KCNK3: variants seen among roughly 807,000 people sequenced by gnomAD.
KCNK3 encodes the protein potassium two pore domain channel subfamily K member 3.
A neutral mutation model predicts 27.3 loss-of-function variants in KCNK3; 9 were observed. The observed-to-expected ratio is 0.33, with a 90% confidence interval of 0.20 to 0.57. KCNK3 has a LOEUF of 0.57. KCNK3 is among the 20% of genes least tolerant of loss of function. The pLI, the probability that KCNK3 is intolerant of heterozygous loss-of-function variation, is 0.87. For missense variants in KCNK3, 391 were observed against 577.7 expected, an observed-to-expected ratio of 0.68 and a Z score of 3.31; for synonymous variants, 278 against 273.8, an observed-to-expected ratio of 1.02 and a Z score of -0.15.
intron 1 of KCNK3, among the ~76,000 whole-genome samples, chr2:26,722,258 T>C (rs1663341436): frequency 6.6e-6 from 1 of 152,244 alleles, no homozygotes; most frequent in South Asian, 2.1e-4. Flanking sequence ...ATCCAACAGT[T>C]GTTAACATTC....
At chr2:26,715,771 T>TG (rs1447729555) in intron 1 of KCNK3, among the ~76,000 whole-genome samples, 2 of 152,202 alleles carry the variant, frequency 1.3e-5, no homozygotes, top group Non-Finnish European at 2.9e-5. Context: ...CAATCAGAGC[T>TG]GGGCTGGCCA....
In KCNK3 at chr2:26,693,234, G is replaced by A. The variant is rs546757837; in HGVS notation, c.283+76G>A. ...CCGGGAGTCGTCCGGGGCCGGCTGG[G>A]GCTGGGGGCGGGGGCTCCCCCGAGA... On this transcript the variant is annotated intron_variant, in intron 1 of 1. Transcript: ENST00000302909. This position sits in a 1 kb window ranked among gnomAD's most constrained non-coding sequence, Gnocchi z 5.5. 3.1e-4 allele frequency: 371 copies of A among 1,184,136 alleles called. 2 individuals carry two copies. The African/African-American group carries it at 4.5e-3, about 14-fold the overall frequency. The allele number at this position is 1,184,136 out of a possible 1,614,324, so 73.4% of individuals were successfully genotyped here.
chr2:26,699,394 G>A (rs557561293), intron 1 of KCNK3, among the ~76,000 whole-genome samples: 6 of 152,202 alleles, frequency 3.9e-5, no homozygotes, highest in African/African-American at 1.4e-4. Context: ...TGGAGAGAGT[G>A]GGGGTGAGAA....
intron 1 of KCNK3, among the ~76,000 whole-genome samples, chr2:26,718,961 T>A (rs1663280285): frequency 6.6e-6 from 1 of 152,316 alleles, no homozygotes; most frequent in East Asian, 1.9e-4. Context: ...GAAAGCGTTG[T>A]CTCCTACTCT....
At chr2:26,694,465 C>T (rs1424122573) in intron 1 of KCNK3, among the ~76,000 whole-genome samples, 1 of 152,166 alleles carries the variant, frequency 6.6e-6, no homozygotes, top group Non-Finnish European at 1.5e-5. Context: ...GGACTAGACA[C>T]TCTTCCTGCG....
chr2:26,720,113 G>A (rs935167037), intron 1 of KCNK3, among the ~76,000 whole-genome samples: 1 of 152,154 alleles, frequency 6.6e-6, no homozygotes, highest in Non-Finnish European at 1.5e-5. Flanking sequence ...AAATTAGCCG[G>A]ATGTGGTGGT....
At chr2:26,725,692 T>G (rs1169575901) in intron 1 of KCNK3, among the ~76,000 whole-genome samples, 1 of 152,124 alleles carries the variant, frequency 6.6e-6, no homozygotes, top group African/African-American at 2.4e-5. Context: ...AGCTCAGCTG[T>G]CCAGGTCCCT....
Position 26,693,005 on chromosome 2 carries a change from C to T in KCNK3, c.130C>T (p.Arg44Trp). ...ELIERQRLEL[R>W]QQELRARYNL... ...GATCGAGCGGCAGCGGCTGGAGCTG[C>T]GGCAGCAGGAGCTGCGGGCGCGCTA... The change falls in exon 1 of 2, where the codon CGG (arginine) becomes TGG (tryptophan). Residue 44 changes from arginine (R) to tryptophan (W), a missense_variant. Arg to Trp is a moderately radical substitution (Grantham distance 101). Around this residue, in one of 4 missense-constraint regions of KCNK3, gnomAD observed 158 missense variants for 267.7 expected, o/e 0.59. Coordinates refer to ENST00000302909, the MANE Select transcript of KCNK3 (RefSeq NM_002246.3). This position sits in a 1 kb window ranked among gnomAD's most constrained non-coding sequence, Gnocchi z 5.5. 6.3e-7 allele frequency: 1 copy of T among 1,577,844 alleles called. No homozygotes were observed.
chr2:26,718,109 T>C (rs1663264467), intron 1 of KCNK3, among the ~76,000 whole-genome samples: 1 of 152,018 alleles, frequency 6.6e-6, no homozygotes. Context: ...CCCGAACTCT[T>C]GGATCCTCCG....
intron 1 of KCNK3, among the ~76,000 whole-genome samples, chr2:26,717,200 C>T (rs1663248664): frequency 6.6e-6 from 1 of 152,228 alleles, no homozygotes; most frequent in Non-Finnish European, 1.5e-5. Context: ...CCATCACCCT[C>T]TGGGCCCCGC....
chr2:26,706,614 C>G (rs1433660919), intron 1 of KCNK3, among the ~76,000 whole-genome samples: 1 of 152,088 alleles, frequency 6.6e-6, no homozygotes, highest in Admixed American at 6.5e-5. Context: ...CAGGAGGGGC[C>G]GGAGAGAGAA....
chr2:26,695,026 C>T (rs1422699369), intron 1 of KCNK3, among the ~76,000 whole-genome samples: 2 of 152,158 alleles, frequency 1.3e-5, no homozygotes, highest in African/African-American at 2.4e-5. Flanking sequence ...CAATGACTCT[C>T]CACTGTCCAT....
chr2:26,693,210 C>T lies in KCNK3; in HGVS notation c.283+52C>T, dbSNP rs1394413604. On this transcript the variant is annotated intron_variant, in intron 1 of 1. Transcript: ENST00000302909. This position sits in a 1 kb window ranked among gnomAD's most constrained non-coding sequence, Gnocchi z 5.5. ...GAACCCAGGGCTGGGCGCGGGGCTC[C>T]GGGAGTCGTCCGGGGCCGGCTGGGG... 1 of 554,126 alleles carries T rather than the reference C, an allele frequency of 1.8e-6. No homozygotes were observed. Among genetic ancestry groups the T allele is most frequent in the Non-Finnish European group, 2.6e-6 (1 of 389,846 alleles). The allele number at this position is 554,126 out of a possible 1,614,324, so 34.3% of individuals were successfully genotyped here.
chr2:26,694,400 A>G (rs982326849), intron 1 of KCNK3, among the ~76,000 whole-genome samples: 5 of 152,170 alleles, frequency 3.3e-5, no homozygotes, highest in Admixed American at 2.6e-4. Flanking sequence ...AGCGCAGCCC[A>G]TGAAGATGGC....
intron 1 of KCNK3, among the ~76,000 whole-genome samples, chr2:26,710,215 C>T (rs1572607395): frequency 6.6e-6 from 1 of 152,366 alleles, no homozygotes; most frequent in Non-Finnish European, 1.5e-5. Context: ...TGTCCCCCGA[C>T]TGCTCTTTGG....
chr2:26,704,652 C>A (rs534462661), intron 1 of KCNK3, among the ~76,000 whole-genome samples: 2 of 152,364 alleles, frequency 1.3e-5, no homozygotes, highest in East Asian at 3.9e-4. Context: ...CAGGGGCAGG[C>A]CCGCTCCTCC....
intron 1 of KCNK3, among the ~76,000 whole-genome samples, chr2:26,709,718 G>T (rs982920990): frequency 6.6e-6 from 1 of 152,136 alleles, no homozygotes; most frequent in Non-Finnish European, 1.5e-5. Flanking sequence ...AGGCCTTTCC[G>T]TAAATGCTTC....
intron 1 of KCNK3, among the ~76,000 whole-genome samples, chr2:26,715,298 C>T (rs1050716043): frequency 1.3e-5 from 2 of 152,212 alleles, no homozygotes; most frequent in Non-Finnish European, 2.9e-5. Context: ...CTACAGTGTA[C>T]AGCGTCTGGA....
Position 26,693,826 on chromosome 2 carries a change from C to T in KCNK3, c.283+668C>T, listed in dbSNP as rs904879897. ...CAAAACAGTCACCTCACAGGAATAA[C>T]CCCAGTTCTTTCCAAGCCAGGGCAG... is the stretch of plus-strand genomic sequence containing the variant. On this transcript the variant is annotated intron_variant, in intron 1 of 1. Transcript: ENST00000302909. The surrounding 1 kb of genome is among the most constrained non-coding windows in gnomAD (Gnocchi z 5.5). Among the ~76,000 whole-genome samples the T allele has an allele frequency of 6.6e-6, 1 of 152,152 alleles. No individual in the cohort carries two copies. Among genetic ancestry groups the T allele is most frequent in the African/African-American group, 2.4e-5 (1 of 41,426 alleles).
Sources: allele counts gnomAD v4.1 joint callset (sites outside exome capture counted in the v4.1 genomes callset), GRCh38; gene constraint gnomAD v4.1.1; regional missense constraint gnomAD v4.1.1; non-coding constraint Gnocchi (gnomAD v3.1); transcripts MANE v1.5; gene names NCBI Gene and HGNC (gene_info 2026-07-23, HGNC 2026-07-21).